LRRC4C: variants seen among roughly 807,000 people sequenced by gnomAD.
LRRC4C encodes leucine rich repeat containing 4C.
LRRC4C carries 5 observed loss-of-function variants against 33.6 expected under a neutral mutation model. That is an observed-to-expected ratio of 0.15 (90% CI 0.08 to 0.31). The LOEUF is 0.31. Among genes scored for constraint, LRRC4C ranks in the 10% least tolerant of loss-of-function variants. The pLI is 1.00. For missense variants in LRRC4C, 560 were observed against 796.7 expected (o/e 0.70, Z 3.58); for synonymous variants, 329 against 302.0 (o/e 1.09, Z -0.93).
chr11:40,818,982 T>G (rs1951815673), intron 2 of LRRC4C, among the ~76,000 whole-genome samples: 1 of 152,144 alleles, frequency 6.6e-6, no homozygotes, highest in African/African-American at 2.4e-5. Flanking sequence ...AATGCCTATA[T>G]ATATCCTGAA....
intron 1 of LRRC4C, among the ~76,000 whole-genome samples, chr11:41,343,658 G>A (rs1451062789): frequency 2.0e-5 from 3 of 152,136 alleles, no homozygotes; most frequent in Non-Finnish European, 4.4e-5. Flanking sequence ...ACCTTCCAAG[G>A]AGAATATTTA....
chr11:40,313,681 C>T (rs1336897856), intron 4 of LRRC4C, among the ~76,000 whole-genome samples: 1 of 147,482 alleles, frequency 6.8e-6, no homozygotes, highest in Non-Finnish European at 1.5e-5. Flanking sequence ...AATCTCGGCT[C>T]ACTGCAAGCT....
intron 5 of LRRC4C, among the ~76,000 whole-genome samples, chr11:40,233,369 C>T (rs186892982): frequency 6.5e-4 from 99 of 152,170 alleles, no homozygotes; most frequent in Non-Finnish European, 1.1e-3. Flanking sequence ...AATCAAAATC[C>T]TCAAGAAAAA....
At chr11:41,313,591 T>A (rs1950701676) in intron 1 of LRRC4C, among the ~76,000 whole-genome samples, 1 of 152,180 alleles carries the variant, frequency 6.6e-6, no homozygotes, top group Non-Finnish European at 1.5e-5. Context: ...TACATAGTAA[T>A]TCAGGGATAG....
chr11:41,366,892 C>G (rs1952565122), intron 1 of LRRC4C, among the ~76,000 whole-genome samples: 1 of 152,146 alleles, frequency 6.6e-6, no homozygotes, highest in South Asian at 2.1e-4. Context: ...CACCTAGACT[C>G]TGGTATTTTG....
chr11:41,370,820 C>T (rs1436654253), intron 1 of LRRC4C, among the ~76,000 whole-genome samples: 1 of 152,142 alleles, frequency 6.6e-6, no homozygotes, highest in Non-Finnish European at 1.5e-5. Context: ...GGATTATAGG[C>T]ATGAGCTACC....
chr11:40,366,478 G>T (rs2137218812), intron 3 of LRRC4C, among the ~76,000 whole-genome samples: 1 of 152,040 alleles, frequency 6.6e-6, no homozygotes, highest in African/African-American at 2.4e-5. Context: ...CTGTGTATCA[G>T]GGAGATGGTG....
intron 3 of LRRC4C, among the ~76,000 whole-genome samples, chr11:40,455,397 G>A (rs893330775): frequency 1.3e-5 from 2 of 152,184 alleles, no homozygotes; most frequent in African/African-American, 4.8e-5. Flanking sequence ...GTTCTGCCCA[G>A]AGGCAGGAAG....
At chr11:41,153,855 C>A (rs1944108827) in intron 1 of LRRC4C, among the ~76,000 whole-genome samples, 1 of 151,912 alleles carries the variant, frequency 6.6e-6, no homozygotes, top group Non-Finnish European at 1.5e-5. Context: ...ATGAGATGAG[C>A]CATGTGGGCT....
chr11:40,941,716 G>A (rs7945674), intron 1 of LRRC4C, among the ~76,000 whole-genome samples: 9,998 of 152,110 alleles, frequency 0.066, 451 homozygotes, highest in Admixed American at 0.15. Flanking sequence ...ATCATACTTT[G>A]AGCACTTATT....
intron 2 of LRRC4C, among the ~76,000 whole-genome samples, chr11:40,729,804 A>C (rs1382443416): frequency 6.6e-6 from 1 of 152,210 alleles, no homozygotes; most frequent in African/African-American, 2.4e-5. Context: ...TAATGGTAGA[A>C]TCATATCATT....
intron 1 of LRRC4C, among the ~76,000 whole-genome samples, chr11:41,107,018 A>G (rs1941541008): frequency 6.6e-6 from 1 of 151,574 alleles, no homozygotes; most frequent in African/African-American, 2.4e-5. Context: ...TCTTTAAAAA[A>G]AAAATTAAAT....
At chr11:40,607,224 G>A (rs953768866) in intron 3 of LRRC4C, among the ~76,000 whole-genome samples, 8 of 152,126 alleles carry the variant, frequency 5.3e-5, no homozygotes, top group Non-Finnish European at 1.0e-4. Flanking sequence ...TCTTTAAATC[G>A]AAATTGGTAC....
chr11:40,711,388 C>T (rs1946458379), intron 2 of LRRC4C, among the ~76,000 whole-genome samples: 1 of 152,096 alleles, frequency 6.6e-6, no homozygotes, highest in Admixed American at 6.6e-5. Context: ...TATACTCATA[C>T]CCAAAACAGG....
chr11:40,621,281 T>C (rs562987715), intron 3 of LRRC4C, among the ~76,000 whole-genome samples: 1 of 151,734 alleles, frequency 6.6e-6, no homozygotes, highest in South Asian at 2.1e-4. Context: ...AATGGGAACA[T>C]TTTTAGGACA....
chr11:40,211,040 G>C lies in LRRC4C; in HGVS notation c.-96+30479C>G, dbSNP rs563282397. ...CATCTGCCTGCCTCGGCCTCCCAAA[G>C]TGCTAGGATCACAGGCCTGAGCAAC... is the stretch of plus-strand genomic sequence containing the variant. On this transcript the variant is annotated intron_variant, in intron 5 of 6. Transcript: ENST00000528697. 7.9e-5 allele frequency among the ~76,000 whole-genome samples: 12 copies of C among 152,236 alleles called. No individual in the cohort carries two copies. The South Asian group carries it at 2.5e-3, about 32-fold the overall frequency.
chr11:41,141,759 G>A (rs1470334888), intron 1 of LRRC4C, among the ~76,000 whole-genome samples: 3 of 152,102 alleles, frequency 2.0e-5, no homozygotes, highest in Admixed American at 6.6e-5. Context: ...CAGCCCTGAG[G>A]AAATGTGAGT....
At chr11:40,877,459 T>G (rs143791733) in intron 2 of LRRC4C, among the ~76,000 whole-genome samples, 1 of 152,240 alleles carries the variant, frequency 6.6e-6, no homozygotes, top group African/African-American at 2.4e-5. Flanking sequence ...CAACCCGGAT[T>G]GCATACCACA....
chr11:40,365,559 TG>T (rs1204658838), intron 3 of LRRC4C, among the ~76,000 whole-genome samples: 2 of 151,948 alleles, frequency 1.3e-5, no homozygotes, highest in Admixed American at 6.6e-5. Context: ...AAGGCAACTT[TG>T]GGGGGGCCCG....
Sources: allele counts gnomAD v4.1 joint callset (sites outside exome capture counted in the v4.1 genomes callset), GRCh38; gene constraint gnomAD v4.1.1; transcripts MANE v1.5; gene names NCBI Gene and HGNC (gene_info 2026-07-23, HGNC 2026-07-21).